LAMA2: variants seen among roughly 807,000 people sequenced by gnomAD.
LAMA2 encodes laminin subunit alpha 2, also known as laminin subunit alpha-2.
A neutral mutation model predicts 364.8 loss-of-function variants in LAMA2; 269 were observed. That is an observed-to-expected ratio of 0.74 (90% CI 0.67 to 0.82). The LOEUF is 0.82. Ranked by LOEUF, LAMA2 falls within the 40% of genes least tolerant of loss-of-function variation. The pLI is 0.00. For synonymous variants in LAMA2, 1,379 were observed against 1,370.6 expected (o/e 1.01, Z -0.14); for missense variants, 3,807 against 3,873.2 (o/e 0.98, Z 0.45).
chr6:129,323,830 G>C (rs1208626721), intron 28 of LAMA2, among the ~76,000 whole-genome samples: 6 of 152,308 alleles, frequency 3.9e-5, no homozygotes, highest in East Asian at 1.9e-4. Flanking sequence ...GTCATGTTTT[G>C]ATAGTTTCAG....
intron 1 of LAMA2, among the ~76,000 whole-genome samples, chr6:129,037,442 T>C (rs1786720084): frequency 6.6e-6 from 1 of 152,162 alleles, no homozygotes; most frequent in Admixed American, 6.5e-5. Context: ...CTGAATGGCT[T>C]TTCCATAGAA....
chr6:129,025,169 T>A (rs1785722646), intron 1 of LAMA2, among the ~76,000 whole-genome samples: 1 of 152,146 alleles, frequency 6.6e-6, no homozygotes, highest in Non-Finnish European at 1.5e-5. Context: ...AAGACACAAT[T>A]GAGGTTTTAT....
intron 2 of LAMA2, among the ~76,000 whole-genome samples, chr6:129,054,959 C>T (rs1788364401): frequency 6.7e-6 from 1 of 150,138 alleles, no homozygotes; most frequent in South Asian, 2.1e-4. Context: ...CTGTCTTTCA[C>T]CCTCTTGAAA....
In LAMA2 at chr6:129,297,744, T is replaced by G. The variant is rs763840955; in HGVS notation, c.2916T>G (p.Phe972Leu). The part of the protein sequence containing the change: ...RGCVPCNCNS[F>L]GSKSFDCEES... Reference sequence around the variant, plus strand: ...GTGTTCCCTGCAACTGCAATTCTTTTGGGTCTAAGTCATTCGACTGTGAAG... The same window carrying G: ...GTGTTCCCTGCAACTGCAATTCTTTGGGGTCTAAGTCATTCGACTGTGAAG... The change falls in exon 21 of 65, where the codon TTT becomes TTG. Residue 972 changes from phenylalanine (F) to leucine (L), a missense_variant. Physicochemically the swap from Phe to Leu is conservative, Grantham distance 22. Around this residue, in one of 3 missense-constraint regions of LAMA2, gnomAD observed 3,333 missense variants for 3,345.7 expected, o/e 1.00. Transcript: ENST00000421865. 27 of 1,614,030 alleles carry G rather than the reference T, an allele frequency of 1.7e-5. No homozygotes were observed. The highest frequency in any genetic ancestry group is 1.6e-4 in the Middle Eastern group (1 of 6,078).
intron 8 of LAMA2, among the ~76,000 whole-genome samples, chr6:129,162,353 TGAAAA>T (rs1248700583): frequency 6.6e-6 from 1 of 152,080 alleles, no homozygotes; most frequent in Non-Finnish European, 1.5e-5. Context: ...CTTAAAGAAA[TGAAAA>T]GAAGGAAAAA....
intron 12 of LAMA2, among the ~76,000 whole-genome samples, chr6:129,213,695 A>AT (rs1403702604): frequency 1.3e-5 from 2 of 151,828 alleles, no homozygotes; most frequent in African/African-American, 2.4e-5. Flanking sequence ...ATCTGTTTAG[A>AT]TTTTTTCCAA....
chr6:129,076,422 GTA>G (rs1261117252), intron 3 of LAMA2, among the ~76,000 whole-genome samples: 1 of 140,510 alleles, frequency 7.1e-6, no homozygotes, highest in Non-Finnish European at 1.5e-5. Flanking sequence ...GTATATGTGT[GTA>G]TATATATATA....
In LAMA2 at chr6:129,252,335, C is replaced by T. The variant is rs755947984; in HGVS notation, c.2096+40C>T. 11 of 1,528,560 alleles carry T rather than the reference C, an allele frequency of 7.2e-6. No individual in the cohort carries two copies. The Middle Eastern group carries it at 5.1e-4, about 71-fold the overall frequency. 94.7% of individuals were successfully genotyped at this position (1,528,560 alleles called of 1,614,324 possible). ...TGCAGCTCCAACGTTCACACATTTA[C>T]TTTGGGGCCAAGGTGCAGGAGCCGC... On this transcript the variant is annotated intron_variant, in intron 14 of 64. Transcript: ENST00000421865.
In LAMA2 at chr6:128,985,841, TA is replaced by T. The variant is rs1354940101; in HGVS notation, c.113-64071del. Among the ~76,000 whole-genome samples, 8 of 152,250 alleles carry T rather than the reference TA, an allele frequency of 5.3e-5. No homozygotes were observed. In the East Asian group the frequency reaches 1.4e-3, roughly 26 times the overall value. On this transcript the variant is annotated intron_variant, in intron 1 of 64. Coordinates refer to ENST00000421865, the MANE Select transcript of LAMA2 (RefSeq NM_000426.4). ...TCATAATCTCAGTATAATGACACAC[TA>T]AAAAATGAACAATAATTATTTCATC...
At chr6:129,027,455 C>T (rs1423810556) in intron 1 of LAMA2, among the ~76,000 whole-genome samples, 2 of 152,050 alleles carry the variant, frequency 1.3e-5, no homozygotes, top group East Asian at 3.9e-4. Context: ...TTGATAAGAA[C>T]TGTCAAGTGT....
chr6:129,094,400 G>A (rs1472760205), intron 3 of LAMA2, among the ~76,000 whole-genome samples: 9 of 152,310 alleles, frequency 5.9e-5, no homozygotes, highest in East Asian at 1.9e-4. Context: ...CTGCTTTTCC[G>A]TGTCACTGCT....
At chr6:129,505,135 T>A in intron 60 of LAMA2, 65 bp from the exon 61 acceptor site, 1 of 1,394,822 alleles carries the variant, frequency 7.2e-7, no homozygotes, top group East Asian at 2.3e-5. Flanking sequence ...AGTCCTTATG[T>A]CTTATACTCT....
chr6:129,352,954 A>G (rs958125451), intron 31 of LAMA2, among the ~76,000 whole-genome samples: 1 of 152,140 alleles, frequency 6.6e-6, no homozygotes, highest in Admixed American at 6.5e-5. Context: ...AGAATGCTTT[A>G]GAATTTTATT....
intron 1 of LAMA2, among the ~76,000 whole-genome samples, chr6:128,980,952 T>G (rs78131474): frequency 0.014 from 2,206 of 152,310 alleles, 51 homozygotes; most frequent in African/African-American, 0.043. Flanking sequence ...TAAGATAGTA[T>G]TTAGAAAGTT....
chr6:128,885,958 C>T (rs1288851223), intron 1 of LAMA2, among the ~76,000 whole-genome samples: 3 of 152,108 alleles, frequency 2.0e-5, no homozygotes, highest in Non-Finnish European at 4.4e-5. Flanking sequence ...AAAATGTTTT[C>T]TGATATTCTT....
At chr6:128,963,981 T>C (rs567216163) in intron 1 of LAMA2, among the ~76,000 whole-genome samples, 285 of 152,212 alleles carry the variant, frequency 1.9e-3, no homozygotes, top group African/African-American at 6.5e-3. Context: ...TCCCAAAAGG[T>C]TGTGTTTTCT....
intron 10 of LAMA2, among the ~76,000 whole-genome samples, chr6:129,188,373 A>C (rs1264838231): frequency 6.6e-6 from 1 of 151,932 alleles, no homozygotes. Flanking sequence ...GCAAATTTCT[A>C]ATTGTTGAAC....
intron 12 of LAMA2, among the ~76,000 whole-genome samples, chr6:129,207,292 CT>C (rs1019435150): frequency 2.1e-4 from 31 of 149,542 alleles, no homozygotes; most frequent in African/African-American, 3.4e-4. Context: ...TTTTGAAGGT[CT>C]TTTTTTTTTC....
intron 12 of LAMA2, among the ~76,000 whole-genome samples, chr6:129,224,941 C>T (rs572115736): frequency 1.4e-4 from 21 of 152,100 alleles, no homozygotes; most frequent in African/African-American, 3.6e-4. Context: ...TGGTAGAATT[C>T]GGCTGTGAAT....
Sources: gnomAD v4.1 joint callset for allele counts (sites outside exome capture counted in the v4.1 genomes callset) on GRCh38, gnomAD v4.1.1 for gene constraint, gnomAD v4.1.1 regional missense constraint, MANE v1.5 for transcripts, NCBI Gene and HGNC (gene_info 2026-07-23, HGNC 2026-07-21) for gene names.